Variants in NLRP6 observed in about 807,000 individuals in gnomAD.
NLRP6 encodes NACHT, LRR and PYD domains-containing protein 6.
NLRP6 carries 55 observed loss-of-function variants against 70.9 expected under a neutral mutation model. The ratio of observed to expected loss-of-function variants is 0.78; its 90% confidence interval spans 0.62 to 0.97. The LOEUF is 0.97. NLRP6 is among the 50% of genes least tolerant of loss of function. The pLI is 0.00. For missense variants in NLRP6, 1,241 were observed against 1,238.3 expected, an observed-to-expected ratio of 1.00 and a Z score of -0.03; for synonymous variants, 652 against 581.9, an observed-to-expected ratio of 1.12 and a Z score of -1.73.
chr11:282,832 C>T lies in NLRP6; in HGVS notation c.2198+35C>T, dbSNP rs199475814. On this transcript the variant is annotated intron_variant, in intron 5 of 7. Transcript: ENST00000534750. ...CACACCCCCAGCTCTTCCCACGGAG[C>T]GGGCTGAGAGCAGGATGCCCTGGGC... 539 of 1,481,144 alleles carry T rather than the reference C, an allele frequency of 3.6e-4. 1 individual carries two copies. Among genetic ancestry groups the T allele is most frequent in the African/African-American group, 3.0e-3 (219 of 72,446 alleles). The allele number at this position is 1,481,144 out of a possible 1,614,324, so 91.8% of individuals were successfully genotyped here.
In NLRP6 at chr11:280,388, C is replaced by T. The variant is rs1182631160; in HGVS notation, c.654C>T (p.Asp218=). The part of the protein sequence containing the change: ...KTMAAKKILY[D]WAAGKLYQGQ... The stretch of plus-strand genomic sequence containing the variant: ...TGGCGGCCAAAAAGATCCTGTACGA[C>T]TGGGCGGCGGGCAAGCTGTACCAGG... Residue 218 remains aspartate (D), a synonymous_variant, in exon 4 of 8, where the codon GAC becomes GAT. Transcript: ENST00000534750. The T allele has an allele frequency of 2.6e-6, 4 of 1,562,580 alleles. No homozygotes were observed. In the East Asian group the frequency reaches 9.4e-5, roughly 37 times the overall value.
chr11:279,720 A>C, intron 2 of NLRP6, 113 bp downstream of exon 2: 1 of 1,347,284 alleles, frequency 7.4e-7, no homozygotes, highest in Non-Finnish European at 9.6e-7. Flanking sequence ...TTTATCCACA[A>C]ATTCGCGGGC....
chr11:281,907 TCAGTGTCCATCTGGCATGGG>T, intron 4 of NLRP6, 68 bp downstream of exon 4: 1 of 1,399,702 alleles, frequency 7.1e-7, no homozygotes, highest in Non-Finnish European at 9.6e-7. Flanking sequence ...CCTGTGCACC[TCAGTGTCCATCTGGCATGGG>T]GCGCACCTCC....
chr11:281,751 C>T lies in NLRP6; in HGVS notation c.2017C>T (p.Arg673Trp), dbSNP rs142913074. The T allele has an allele frequency of 6.8e-6, 11 of 1,611,696 alleles. No homozygotes were observed. The highest frequency in any genetic ancestry group is 8.5e-6 in the Non-Finnish European group (10 of 1,179,664). The change falls in exon 4 of 8, where the codon CGG (arginine) becomes TGG (tryptophan). Residue 673 changes from arginine (R) to tryptophan (W), a missense_variant. Transcript: ENST00000534750. ...VRCCPAGQAL[R>W]LISCRLVAAQ... ...GTGCTGCCCTGCTGGACAGGCACTGCGGCTGATCAGCTGCAGATTGGTTGC... is the reference window on the plus strand; with the variant it reads ...GTGCTGCCCTGCTGGACAGGCACTGTGGCTGATCAGCTGCAGATTGGTTGC...
At chr11:279,239 C>A (rs1845430248) in intron 1 of NLRP6, 88 bp from the exon 2 acceptor site, 3 of 1,128,506 alleles carry the variant, frequency 2.7e-6, no homozygotes, top group East Asian at 3.3e-5. Context: ...AGGCCCTGCC[C>A]GCGGTGGGTT....
intron 7 of NLRP6, 62 bp from the exon 8 acceptor site, chr11:285,104 C>T (rs1342834066): frequency 1.3e-6 from 2 of 1,517,828 alleles, no homozygotes; most frequent in East Asian, 4.9e-5. Flanking sequence ...ACGGCACTGC[C>T]CCCAAGCCCT....
chr11:279,280 G>GGGC, intron 1 of NLRP6, 47 bp from the exon 2 acceptor site: 1 of 1,234,110 alleles, frequency 8.1e-7, no homozygotes, highest in Non-Finnish European at 1.0e-6. Flanking sequence ...GCGGGCGGGG[G>GGGC]TCACCCGAGG....
intron 5 of NLRP6, among the ~76,000 whole-genome samples, chr11:283,559 C>A (rs545618878): frequency 6.6e-6 from 1 of 152,056 alleles, no homozygotes; most frequent in Non-Finnish European, 1.5e-5. Flanking sequence ...GTGATCCACC[C>A]GCCTCTGCCT....
intron 7 of NLRP6, 141 bp downstream of exon 7, chr11:284,783 G>C: frequency 1.2e-6 from 1 of 818,238 alleles, no homozygotes; most frequent in Non-Finnish European, 1.9e-6. Context: ...ACACTGACCT[G>C]GGAGCCCAGC....
chr11:278,896 G>A lies in NLRP6; in HGVS notation c.29+298G>A, dbSNP rs965420383. Reference sequence around the variant, plus strand: ...GGGCCTGGCAGTGTCTGCTGCCAAAGAGGCCAGTTCTGCTCCGGGATCGGG... The same window carrying A: ...GGGCCTGGCAGTGTCTGCTGCCAAAAAGGCCAGTTCTGCTCCGGGATCGGG... On this transcript the variant is annotated intron_variant, in intron 1 of 7. Coordinates refer to ENST00000534750, the MANE Select transcript of NLRP6 (RefSeq NM_001276700.2). The surrounding 1 kb of genome is among the most constrained non-coding windows in gnomAD (Gnocchi z 4.7). 1.3e-5 allele frequency among the ~76,000 whole-genome samples: 2 copies of A among 152,240 alleles called. No individual in the cohort carries two copies. The highest frequency in any genetic ancestry group is 4.8e-5 in the African/African-American group (2 of 41,474).
chr11:283,487 G>A (rs1253879454), intron 5 of NLRP6, among the ~76,000 whole-genome samples: 1 of 151,910 alleles, frequency 6.6e-6, no homozygotes, highest in South Asian at 2.1e-4. Flanking sequence ...CTAATTGTTT[G>A]TATTTTTAGT....
rs1171471015 is a variant in NLRP6 at position 280,389 on chromosome 11, T to A, written c.655T>A (p.Trp219Arg). The A allele has an allele frequency of 6.4e-6, 10 of 1,564,076 alleles. No individual in the cohort carries two copies. Among genetic ancestry groups the A allele is most frequent in the Non-Finnish European group, 8.6e-6 (10 of 1,162,586 alleles). ...GGCGGCCAAAAAGATCCTGTACGACTGGGCGGCGGGCAAGCTGTACCAGGG... is the reference window on the plus strand; with the variant it reads ...GGCGGCCAAAAAGATCCTGTACGACAGGGCGGCGGGCAAGCTGTACCAGGG... ...TMAAKKILYD[W>R]AAGKLYQGQV... The change falls in exon 4 of 8, where the codon TGG (tryptophan) becomes AGG (arginine). Residue 219 changes from tryptophan to arginine, a missense_variant. Transcript: ENST00000534750.
chr11:284,007 C>T (rs531694517), intron 5 of NLRP6, among the ~76,000 whole-genome samples: 69 of 152,254 alleles, frequency 4.5e-4, no homozygotes, highest in Admixed American at 1.0e-3. Context: ...CTCAGCTCTC[C>T]GAAGAGCTCG....
In NLRP6 at chr11:280,850, C is replaced by A; in HGVS notation, c.1116C>A (p.Tyr372Ter). The change falls in exon 4 of 8, where the codon TAC becomes TAA. Residue 372 changes from tyrosine (Y) to a stop codon, truncating the protein, a stop_gained. Transcript: ENST00000534750. LOFTEE classifies it high-confidence loss of function. ...ATGAGAGGAGGGCCGAGCGCGCCTA[C>A]CGCTTCGTGAAGGAGAACGAGACGC... Reference protein sequence around the residue: ...FRDERRAERAYRFVKENETLF... With the variant: ...FRDERRAERA The A allele has an allele frequency of 6.2e-7, 1 of 1,613,380 alleles. No individual in the cohort carries two copies.
In NLRP6 at chr11:280,792, A is replaced by T; in HGVS notation, c.1058A>T (p.Asp353Val). The stretch of plus-strand genomic sequence containing the variant: ...GAGGTGCGCGGCTTCTCCGACAAGG[A>T]CAAGAAGAAGTATTTCTACAAGTAT... Reference protein sequence around the residue: ...CAEVRGFSDKDKKKYFYKYFR... With the variant: ...CAEVRGFSDKVKKKYFYKYFR... Residue 353 changes from aspartate to valine, a missense_variant, in exon 4 of 8, where the codon GAC (aspartate) becomes GTC (valine). Transcript: ENST00000534750. 6.2e-7 allele frequency: 1 copy of T among 1,612,696 alleles called. No individual in the cohort carries two copies. Among genetic ancestry groups the T allele is most frequent in the Non-Finnish European group, 8.5e-7 (1 of 1,179,818 alleles).
At chr11:282,317 C>A (rs1312989997) in intron 4 of NLRP6, among the ~76,000 whole-genome samples, 2 of 152,178 alleles carry the variant, frequency 1.3e-5, no homozygotes, top group African/African-American at 4.8e-5. Flanking sequence ...CTCCACCAGA[C>A]CCTCGGCTCC....
At chr11:279,928 G>A (rs1407481119) in intron 3 of NLRP6, 56 bp downstream of exon 3, 2 of 1,463,964 alleles carry the variant, frequency 1.4e-6, no homozygotes, top group South Asian at 1.4e-5. Flanking sequence ...GAGGGTCCCG[G>A]GGAGGACCGG....
Position 278,410 on chromosome 11 carries a change from C to T in NLRP6, c.-160C>T. The T allele has an allele frequency of 1.8e-6, 1 of 561,154 alleles. No individual in the cohort carries two copies. The highest frequency in any genetic ancestry group is 2.8e-5 in the South Asian group (1 of 35,836). The allele number at this position is 561,154 out of a possible 1,614,324, so 34.8% of individuals were successfully genotyped here. On this transcript the variant is annotated 5_prime_UTR_variant, in exon 1 of 8. Transcript: ENST00000534750. The surrounding 1 kb of genome is among the most constrained non-coding windows in gnomAD (Gnocchi z 4.7). Reference sequence around the variant, plus strand: ...AATGCTCTGCGTGTGCCACGGTGCCCAACAGCATCTCGTGCCAGCTGAGCT... The same window carrying T: ...AATGCTCTGCGTGTGCCACGGTGCCTAACAGCATCTCGTGCCAGCTGAGCT...
rs2134008569 is a variant in NLRP6 at position 281,334 on chromosome 11, G to A, written c.1600G>A (p.Ala534Thr). The change falls in exon 4 of 8, where the codon GCC becomes ACC. Residue 534 changes from alanine to threonine, a missense_variant. Ala to Thr is a moderately conservative substitution (Grantham distance 58). Coordinates refer to ENST00000534750, the MANE Select transcript of NLRP6 (RefSeq NM_001276700.2). Reference protein sequence around the residue: ...GGVGTLLRGDAQPHSHLVLTT... With the variant: ...GGVGTLLRGDTQPHSHLVLTT... Reference sequence around the variant, plus strand: ...CGTTGGGACACTCCTGCGTGGGGACGCCCAGCCGCACAGCCACTTGGTGCT... The same window carrying A: ...CGTTGGGACACTCCTGCGTGGGGACACCCAGCCGCACAGCCACTTGGTGCT... The A allele has an allele frequency of 6.2e-7, 1 of 1,609,074 alleles. No individual in the cohort carries two copies. The highest frequency in any genetic ancestry group is 8.5e-7 in the Non-Finnish European group (1 of 1,178,390).
Sources: gnomAD v4.1 joint callset for allele counts (sites outside exome capture counted in the v4.1 genomes callset) on GRCh38, gnomAD v4.1.1 for gene constraint, Gnocchi (gnomAD v3.1) non-coding constraint, MANE v1.5 for transcripts, NCBI Gene and HGNC (gene_info 2026-07-23, HGNC 2026-07-21) for gene names.